FAM107B: variants seen among roughly 807,000 people sequenced by gnomAD.
FAM107B encodes protein FAM107B.
FAM107B carries 21 observed loss-of-function variants against 31.5 expected under a neutral mutation model. That is an observed-to-expected ratio of 0.67 (90% CI 0.47 to 0.96). The LOEUF (loss-of-function observed/expected upper bound fraction) is 0.96, where lower values mean the gene tolerates loss of function less well. FAM107B is among the 40% of genes least tolerant of loss of function. The probability of loss-of-function intolerance (pLI) is 0.00; values close to 1 mark genes in which losing one functional copy is unlikely to be tolerated. For missense variants in FAM107B, 452 were observed against 377.1 expected (o/e 1.20, Z -1.64); for synonymous variants, 157 against 141.5 (o/e 1.11, Z -0.78).
At chr10:14,572,053 C>A in intron 2 of FAM107B, 1 of 985,424 alleles carries the variant, frequency 1.0e-6, no homozygotes, top group Non-Finnish European at 1.2e-6. Flanking sequence ...AATTAACCAT[C>A]CCCACAAAGA....
At position 14,628,112 on chromosome 10, in the gene FAM107B, G is replaced by GTTTTTTTTTTTTTTTTTTTTTTTT. The variant is rs71505033; in HGVS notation, c.469+39521_469+39522insAAAAAAAAAAAAAAAAAAAAAAAA. On this transcript the variant is annotated intron_variant, in intron 2 of 4. Coordinates refer to ENST00000181796, the MANE Select transcript of FAM107B (RefSeq NM_031453.4). ...TCCTTGTTTGTTTTTTGTTTTGCTG[G>GTTTTTTTTTTTTTTTTTTTTTTTT]TTTTTTTTTTTTTTTTTTTTTGAGA... is the stretch of plus-strand genomic sequence containing the variant. 3.7e-4 allele frequency among the ~76,000 whole-genome samples: 34 copies of GTTTTTTTTTTTTTTTTTTTTTTTT among 92,682 alleles called. 2 individuals are homozygous for GTTTTTTTTTTTTTTTTTTTTTTTT. Among genetic ancestry groups the GTTTTTTTTTTTTTTTTTTTTTTTT allele is most frequent in the South Asian group, 9.1e-4 (2 of 2,190 alleles). The allele number at this position is 92,682 out of a possible 152,430, so 60.8% of individuals were successfully genotyped here.
intron 1 of FAM107B, among the ~76,000 whole-genome samples, chr10:14,709,446 G>T (rs1236555827): frequency 6.6e-6 from 1 of 152,216 alleles, no homozygotes; most frequent in Non-Finnish European, 1.5e-5. Context: ...AGCAGGCAAA[G>T]AGAGAGAGCT....
intron 2 of FAM107B, among the ~76,000 whole-genome samples, chr10:14,575,274 G>A (rs1455104670): frequency 6.6e-6 from 1 of 151,850 alleles, no homozygotes; most frequent in Non-Finnish European, 1.5e-5. Context: ...TGCACTCTTG[G>A]CTCACTGCAG....
intron 1 of FAM107B, among the ~76,000 whole-genome samples, chr10:14,709,485 C>G (rs1225443294): frequency 1.3e-5 from 2 of 152,134 alleles, no homozygotes; most frequent in African/African-American, 4.8e-5. Flanking sequence ...TTTTTATAAC[C>G]ATCAGATCTT....
intron 2 of FAM107B, among the ~76,000 whole-genome samples, chr10:14,650,278 T>G (rs1350338816): frequency 6.6e-6 from 1 of 152,104 alleles, no homozygotes; most frequent in East Asian, 1.9e-4. Context: ...ACGAATTCAT[T>G]CTTAACTCTG....
chr10:14,604,028 T>C (rs1852498127), intron 2 of FAM107B, among the ~76,000 whole-genome samples: 1 of 145,050 alleles, frequency 6.9e-6, no homozygotes, highest in South Asian at 2.1e-4. Context: ...CCCCGCCGCG[T>C]GCCCGCCCTG....
chr10:14,647,652 C>T (rs11259246), intron 2 of FAM107B, among the ~76,000 whole-genome samples: 2 of 147,666 alleles, frequency 1.4e-5, no homozygotes, highest in Non-Finnish European at 1.5e-5. Context: ...TGCCATTGCA[C>T]TCCAACCTGG....
chr10:14,769,071 C>T (rs1833243289), intron 1 of FAM107B, among the ~76,000 whole-genome samples: 1 of 152,212 alleles, frequency 6.6e-6, no homozygotes, highest in African/African-American at 2.4e-5. Flanking sequence ...TTGCCTTGAG[C>T]CCCTGTGTCC....
At chr10:14,697,853 G>A (rs146879572) in intron 1 of FAM107B, among the ~76,000 whole-genome samples, 9 of 152,318 alleles carry the variant, frequency 5.9e-5, no homozygotes, top group African/African-American at 2.2e-4. Context: ...GGCTGGGCAT[G>A]GTGGCTCAGG....
intron 2 of FAM107B, chr10:14,571,905 G>A: frequency 1.2e-5 from 12 of 985,438 alleles, no homozygotes; most frequent in Non-Finnish European, 1.4e-5. Context: ...AACGGTTACA[G>A]AGACTGACCT....
intron 1 of FAM107B, among the ~76,000 whole-genome samples, chr10:14,704,446 T>C (rs1855475833): frequency 6.6e-6 from 1 of 152,214 alleles, no homozygotes. Context: ...ATTGTGTGGT[T>C]GTAGCCTATC....
chr10:14,572,736 A>ATATATATATATATATATATATATAT (rs1455058375), intron 2 of FAM107B, among the ~76,000 whole-genome samples: 2 of 86,484 alleles, frequency 2.3e-5, no homozygotes, highest in African/African-American at 4.0e-5. Flanking sequence ...AAAAAAAAAA[A>ATATATATATATATATATATATATAT]ATTTATATAT....
intron 2 of FAM107B, among the ~76,000 whole-genome samples, chr10:14,662,210 C>T (rs1198369940): frequency 3.3e-5 from 5 of 152,168 alleles, no homozygotes; most frequent in Non-Finnish European, 7.4e-5. Flanking sequence ...CCTCACCTCA[C>T]TTTTAAATAG....
chr10:14,733,731 G>A (rs1856226816), intron 1 of FAM107B, among the ~76,000 whole-genome samples: 2 of 152,146 alleles, frequency 1.3e-5, no homozygotes, highest in African/African-American at 4.8e-5. Flanking sequence ...GCAGCTCAAA[G>A]AGACTATGCA....
chr10:14,658,293 C>T (rs1404999407), intron 2 of FAM107B, among the ~76,000 whole-genome samples: 2 of 152,152 alleles, frequency 1.3e-5, no homozygotes, highest in Admixed American at 6.5e-5. Flanking sequence ...GAGCATTTCC[C>T]CTAAGAAAAG....
intron 2 of FAM107B, among the ~76,000 whole-genome samples, chr10:14,623,239 C>T (rs188324489): frequency 8.4e-4 from 128 of 152,302 alleles, no homozygotes; most frequent in African/African-American, 3.0e-3. Flanking sequence ...AAGGCAAACG[C>T]ACCTTATTCT....
intron 2 of FAM107B, among the ~76,000 whole-genome samples, chr10:14,611,026 G>A (rs1217861918): frequency 2.6e-5 from 4 of 152,174 alleles, no homozygotes; most frequent in African/African-American, 7.2e-5. Flanking sequence ...TGCACATCGC[G>A]AAGAATCGAG....
chr10:14,618,484 C>T (rs535074786), intron 2 of FAM107B, among the ~76,000 whole-genome samples: 10 of 152,156 alleles, frequency 6.6e-5, no homozygotes, highest in African/African-American at 9.6e-5. Flanking sequence ...TGCCCCCACG[C>T]CCCCCAAAAA....
intron 1 of FAM107B, among the ~76,000 whole-genome samples, chr10:14,734,491 T>TTTTGTTTTTTTTTTG (rs1564279506): frequency 6.6e-6 from 1 of 151,130 alleles, no homozygotes; most frequent in African/African-American, 2.4e-5. Flanking sequence ...TTGTGAGGTT[T>TTTTGTTTTTTTTTTG]TTTTTTTTTT....
Sources: allele counts gnomAD v4.1 joint callset (sites outside exome capture counted in the v4.1 genomes callset), GRCh38; gene constraint gnomAD v4.1.1; transcripts MANE v1.5; gene names NCBI Gene and HGNC (gene_info 2026-07-23, HGNC 2026-07-21).